SLC35D4: variants seen among roughly 807,000 people sequenced by gnomAD.
SLC35D4 encodes solute carrier family 35 member D4, also known as UDP-N-acetylglucosamine transporter SLC35D4.
chr18:23,305,718 T>G, the SLC35D4 span, among the ~76,000 whole-genome samples: 5 of 152,214 alleles, frequency 3.3e-5, no homozygotes, highest in Admixed American at 3.3e-4. Context: ...ATGCCCCCAC[T>G]GGCGCTCCTG....
At chr18:23,297,028 A>G in the SLC35D4 span, 2 of 152,236 alleles carry the variant, frequency 1.3e-5, no homozygotes, top group African/African-American at 4.8e-5. Flanking sequence ...TAGGCAAGCC[A>G]GCATGACAGC....
the SLC35D4 span, among the ~76,000 whole-genome samples, chr18:23,432,708 G>C: frequency 2.0e-5 from 3 of 151,062 alleles, no homozygotes; most frequent in Non-Finnish European, 4.4e-5. Context: ...GAAAGAGAAG[G>C]AGCAATTTGG....
chr18:23,322,775 G>A, the SLC35D4 span, among the ~76,000 whole-genome samples: 4 of 152,216 alleles, frequency 2.6e-5, no homozygotes, highest in African/African-American at 9.6e-5. Flanking sequence ...AAAAGGCGAA[G>A]TAATGTCAAC....
At chr18:23,324,560 T>C in the SLC35D4 span, among the ~76,000 whole-genome samples, 1 of 152,106 alleles carries the variant, frequency 6.6e-6, no homozygotes, top group Non-Finnish European at 1.5e-5. Flanking sequence ...AGAGGCAACA[T>C]GAAAGGCGAG....
At chr18:23,307,478 TAG>T in the SLC35D4 span, among the ~76,000 whole-genome samples, 1 of 152,232 alleles carries the variant, frequency 6.6e-6, no homozygotes, top group Non-Finnish European at 1.5e-5. Flanking sequence ...AGGACTTGTG[TAG>T]AGAGTTCAGG....
the SLC35D4 span, among the ~76,000 whole-genome samples, chr18:23,374,268 T>C: frequency 1.3e-5 from 2 of 152,276 alleles, no homozygotes; most frequent in South Asian, 4.1e-4. Context: ...GTGTGCCTCT[T>C]GATATAAAGC....
At chr18:23,368,847 G>T in the SLC35D4 span, 2 of 776,244 alleles carry the variant, frequency 2.6e-6, no homozygotes, top group Non-Finnish European at 4.0e-6. Flanking sequence ...TTCTATTTTA[G>T]TTACTACTTT....
the SLC35D4 span, among the ~76,000 whole-genome samples, chr18:23,286,399 C>T: frequency 6.6e-6 from 1 of 152,186 alleles, no homozygotes; most frequent in East Asian, 1.9e-4. Context: ...GTGCAGGACC[C>T]CACTGGAAAT....
chr18:23,383,402 C>G, the SLC35D4 span, among the ~76,000 whole-genome samples: 2 of 88,238 alleles, frequency 2.3e-5, no homozygotes, highest in Non-Finnish European at 4.6e-5. Context: ...GCATGAAGGC[C>G]ACGGGGGCCT....
the SLC35D4 span, among the ~76,000 whole-genome samples, chr18:23,298,568 CA>C: frequency 6.6e-6 from 1 of 152,104 alleles, no homozygotes; most frequent in Non-Finnish European, 1.5e-5. Context: ...CCCACCAGCA[CA>C]GAAAGAAACA....
the SLC35D4 span, among the ~76,000 whole-genome samples, chr18:23,244,228 T>TA: frequency 1.3e-5 from 2 of 152,236 alleles, no homozygotes; most frequent in Non-Finnish European, 2.9e-5. Context: ...AGGAGTCCTG[T>TA]AGCACCAGAT....
the SLC35D4 span, among the ~76,000 whole-genome samples, chr18:23,379,049 AAGG>A: frequency 6.6e-6 from 1 of 152,176 alleles, no homozygotes; most frequent in Non-Finnish European, 1.5e-5. Context: ...CAAGAGCTGA[AAGG>A]AGGAGGGCAA....
At chr18:23,403,474 A>T in the SLC35D4 span, among the ~76,000 whole-genome samples, 1 of 152,208 alleles carries the variant, frequency 6.6e-6, no homozygotes, top group Non-Finnish European at 1.5e-5. Flanking sequence ...GACATTCCAG[A>T]CATAAACACG....
the SLC35D4 span, among the ~76,000 whole-genome samples, chr18:23,428,712 G>A: frequency 6.6e-6 from 1 of 151,164 alleles, no homozygotes; most frequent in African/African-American, 2.4e-5. Flanking sequence ...AAGATTCAAG[G>A]GGTGCTTGTG....
the SLC35D4 span, among the ~76,000 whole-genome samples, chr18:23,287,531 G>A: frequency 1.3e-5 from 2 of 152,062 alleles, no homozygotes; most frequent in Admixed American, 6.6e-5. Flanking sequence ...GATCATGTCC[G>A]ACTAATCTCC....
the SLC35D4 span, among the ~76,000 whole-genome samples, chr18:23,252,229 T>C: frequency 6.6e-6 from 1 of 151,746 alleles, no homozygotes; most frequent in Non-Finnish European, 1.5e-5. Context: ...GGATGGGGAG[T>C]TGGCATTTAA....
the SLC35D4 span, among the ~76,000 whole-genome samples, chr18:23,285,141 C>T: frequency 9.2e-5 from 14 of 152,264 alleles, no homozygotes; most frequent in Non-Finnish European, 1.6e-4. Context: ...CTCTGTGCCC[C>T]GATCCCTTAT....
the SLC35D4 span, among the ~76,000 whole-genome samples, chr18:23,428,684 A>ATT: frequency 2.1e-5 from 3 of 145,782 alleles, no homozygotes; most frequent in Admixed American, 6.9e-5. Flanking sequence ...TGCCTAGCTA[A>ATT]TTTTTTTTTT....
chr18:23,287,284 T>C, the SLC35D4 span, among the ~76,000 whole-genome samples: 12,192 of 152,044 alleles, frequency 0.08, 510 homozygotes, highest in Middle Eastern at 0.18. Context: ...CAATCCATTA[T>C]TCTGTTCTGG....
Sources: allele counts gnomAD v4.1 joint callset (sites outside exome capture counted in the v4.1 genomes callset), GRCh38; gene constraint gnomAD v4.1.1; transcripts MANE v1.5; gene names NCBI Gene and HGNC (gene_info 2026-07-23, HGNC 2026-07-21).